The following PRMT5 variants were observed in gnomAD, a reference collection of about 807,000 sequenced individuals.
PRMT5 encodes the protein protein arginine methyltransferase 5.
In PRMT5, 15 loss-of-function variants were observed where a neutral mutation model predicts 84.0. The observed-to-expected ratio is 0.18, with a 90% CI of 0.12 to 0.28. The LOEUF is 0.28. Among genes scored for constraint, PRMT5 ranks in the 10% least tolerant of loss-of-function variants. PRMT5 has a pLI of 1.00. For missense variants in PRMT5, 486 were observed against 808.0 expected (o/e 0.60, Z 4.83); for synonymous variants, 276 against 292.4 (o/e 0.94, Z 0.57).
At position 22,923,671 on chromosome 14, in the gene PRMT5, G is replaced by A. The variant is rs531225676; in HGVS notation, c.1375+337C>T. On this transcript the variant is annotated intron_variant, in intron 12 of 16. Coordinates refer to ENST00000324366, the MANE Select transcript of PRMT5 (RefSeq NM_006109.5). This position sits in a 1 kb window ranked among gnomAD's most constrained non-coding sequence, Gnocchi z 5.2. The stretch of plus-strand genomic sequence containing the variant: ...TGGGATTACAGGCGTGCACCGCCAC[G>A]CCTGGCTAATTTTTGTATTTTTAGT... Among the ~76,000 whole-genome samples, 5 of 151,898 alleles carry A rather than the reference G, an allele frequency of 3.3e-5. No homozygotes were observed. The highest frequency in any genetic ancestry group is 2.1e-4 in the South Asian group (1 of 4,808).
Position 22,927,603 on chromosome 14 carries a change from G to T in PRMT5, c.373C>A (p.Pro125Thr). ...TTGGTGTTATCTTCCTGATTAAGGG[G>T]CAGCAGGAAAGCTGGAAGACCCAAA... ...AYLGLPAFLLPLNQEDNTNLA... is the reference protein window; with the variant it reads ...AYLGLPAFLLTLNQEDNTNLA... The change falls in exon 4 of 17, where the codon CCC (proline) becomes ACC (threonine). Residue 125 changes from proline to threonine, a missense_variant. Pro to Thr is a conservative substitution (Grantham distance 38). Coordinates refer to ENST00000324366, the MANE Select transcript of PRMT5 (RefSeq NM_006109.5). The T allele has an allele frequency of 3.7e-6, 6 of 1,614,076 alleles. No individual in the cohort carries two copies. Among genetic ancestry groups the T allele is most frequent in the Non-Finnish European group, 5.1e-6 (6 of 1,179,988 alleles).
chr14:22,927,708 T>C (rs1427083403), intron 3 of PRMT5, 48 bp from the exon 4 acceptor site: 5 of 152,296 alleles, frequency 3.3e-5, no homozygotes, highest in Non-Finnish European at 4.7e-5. Context: ...AGCAAACAGC[T>C]TTTTTTTTTT....
At chr14:22,925,151 C>CTTTT in intron 7 of PRMT5, 111 bp from the exon 8 acceptor site, 3 of 867,848 alleles carry the variant, frequency 3.5e-6, no homozygotes, top group Non-Finnish European at 1.6e-6. Context: ...CAACAGTTCT[C>CTTTT]TTTTTTTTTT....
At chr14:22,926,664 T>C (rs1261115557) in intron 5 of PRMT5, 38 bp downstream of exon 5, 1 of 1,603,326 alleles carries the variant, frequency 6.2e-7, no homozygotes, top group African/African-American at 1.3e-5. Flanking sequence ...CCTCACCCTA[T>C]CCCTTGCACC....
At position 22,923,233 on chromosome 14, in the gene PRMT5, AG is replaced by A; in HGVS notation, c.1376-74del. On this transcript the variant is annotated intron_variant, in intron 12 of 16. Coordinates refer to ENST00000324366, the MANE Select transcript of PRMT5 (RefSeq NM_006109.5). The surrounding 1 kb of genome is among the most constrained non-coding windows in gnomAD (Gnocchi z 5.2). ...TGTCTGTACTAACTGAAGGATCAGAAGGATCAAACCTCCCATGTCAAAACCA... is the reference window on the plus strand; with the variant it reads ...TGTCTGTACTAACTGAAGGATCAGAAGATCAAACCTCCCATGTCAAAACCA... 1 of 1,203,106 alleles carries A rather than the reference AG, an allele frequency of 8.3e-7. No individual in the cohort carries two copies. Among genetic ancestry groups the A allele is most frequent in the Non-Finnish European group, 1.2e-6 (1 of 860,954 alleles). 74.5% of individuals were successfully genotyped at this position (1,203,106 alleles called of 1,614,324 possible). A position where few individuals can be genotyped will look rare whatever the true frequency, so the allele number is the denominator to read the frequency against.
In PRMT5 at chr14:22,924,548, G is replaced by A. The variant is rs1448535859; in HGVS notation, c.1018-11C>T. ...ACATTTATAGATGGCCTGGAGGGAGGAGAGAATATCCCATGGTTGTAATCC... is the reference window on the plus strand; with the variant it reads ...ACATTTATAGATGGCCTGGAGGGAGAAGAGAATATCCCATGGTTGTAATCC... On this transcript the variant is annotated splice_polypyrimidine_tract_variant and intron_variant, in intron 9 of 16. Transcript: ENST00000324366. The surrounding 1 kb of genome is among the most constrained non-coding windows in gnomAD (Gnocchi z 6.5). 4.3e-6 allele frequency: 7 copies of A among 1,613,858 alleles called. No individual in the cohort carries two copies. The highest frequency in any genetic ancestry group is 3.3e-4 in the Middle Eastern group (2 of 6,062).
intron 15 of PRMT5, 82 bp downstream of exon 15, chr14:22,922,361 T>C: frequency 1.4e-6 from 2 of 1,421,096 alleles, no homozygotes; most frequent in Non-Finnish European, 2.0e-6. Context: ...GGGCCCCCCA[T>C]AAATCTAAAT....
At chr14:22,926,441 T>C (rs2044420799) in intron 6 of PRMT5, 65 bp downstream of exon 6, 5 of 1,598,244 alleles carry the variant, frequency 3.1e-6, no homozygotes, top group Non-Finnish European at 4.3e-6. Flanking sequence ...ATATATGAAA[T>C]TCCTGATTCT....
rs756675753 is a variant in PRMT5 at position 22,924,218 on chromosome 14, A to G, written c.1200-35T>C. 6.2e-7 allele frequency: 1 copy of G among 1,611,826 alleles called. No homozygotes were observed. Among genetic ancestry groups the G allele is most frequent in the East Asian group, 2.2e-5 (1 of 44,842 alleles). ...AGACAATAAGGTAAGGAGAGATGTT[A>G]AGGAAATTTGGCAATGAGGACTAAC... is the stretch of plus-strand genomic sequence containing the variant. On this transcript the variant is annotated intron_variant, in intron 11 of 16. Coordinates refer to ENST00000324366, the MANE Select transcript of PRMT5 (RefSeq NM_006109.5). The surrounding 1 kb of genome is among the most constrained non-coding windows in gnomAD (Gnocchi z 6.5).
intron 6 of PRMT5, 22 bp downstream of exon 6, chr14:22,926,484 C>G (rs1160542600): frequency 6.2e-7 from 1 of 1,613,758 alleles, no homozygotes. Flanking sequence ...CCACACCCAT[C>G]CCAGGATTCT....
intron 5 of PRMT5, 50 bp downstream of exon 5, chr14:22,926,652 C>G: frequency 1.9e-6 from 3 of 1,596,836 alleles, no homozygotes; most frequent in Non-Finnish European, 2.6e-6. Flanking sequence ...CCCTGTACTT[C>G]CCCTCACCCT....
intron 3 of PRMT5, 28 bp from the exon 4 acceptor site, chr14:22,927,688 T>C (rs1439193268): frequency 6.3e-7 from 1 of 1,595,862 alleles, no homozygotes; most frequent in South Asian, 1.1e-5. Context: ...AGGAAAAGTT[T>C]GAGCTAACAA....
chr14:22,922,291 T>G, intron 15 of PRMT5, 51 bp from the exon 16 acceptor site: 1 of 1,514,682 alleles, frequency 6.6e-7, no homozygotes, highest in Non-Finnish European at 9.2e-7. Flanking sequence ...CTGTGACTTT[T>G]GCCTATGCTG....
chr14:22,928,366 G>A lies in PRMT5; in HGVS notation c.229+131C>T. On this transcript the variant is annotated intron_variant, in intron 2 of 16. Coordinates refer to ENST00000324366, the MANE Select transcript of PRMT5 (RefSeq NM_006109.5). This position sits in a 1 kb window ranked among gnomAD's most constrained non-coding sequence, Gnocchi z 4.8. ...CTGATGCAGAATAGAGAAGCAAGGA[G>A]AAAACAAGTTATCTATATCCCAGGG... is the stretch of plus-strand genomic sequence containing the variant. 3 of 1,148,542 alleles carry A rather than the reference G, an allele frequency of 2.6e-6. No individual in the cohort carries two copies. Among genetic ancestry groups the A allele is most frequent in the East Asian group, 2.4e-5 (1 of 42,388 alleles). The allele number at this position is 1,148,542 out of a possible 1,614,324, so 71.1% of individuals were successfully genotyped here. A position where few individuals can be genotyped will look rare whatever the true frequency, so the allele number is the denominator to read the frequency against.
At chr14:22,925,243 ACCTCCCAGGTTCAAGCAATTCTCCTG>A (rs965680979) in intron 7 of PRMT5, among the ~76,000 whole-genome samples, 5 of 148,676 alleles carry the variant, frequency 3.4e-5, no homozygotes, top group African/African-American at 1.2e-4. Context: ...TGCAACCTCC[ACCTCCCAGGTTCAAGCAATTCTCCTG>A]CCTCAGCCTC....
At chr14:22,926,080 A>G (rs1394025651) in intron 7 of PRMT5, 53 bp downstream of exon 7, 2 of 1,511,238 alleles carry the variant, frequency 1.3e-6, no homozygotes, top group Non-Finnish European at 1.8e-6. Flanking sequence ...ATACACAGGT[A>G]AATAAGGCAA....
rs764353234 is a variant in PRMT5, at chr14:22,924,316, G to A, written c.1153C>T (p.Arg385Trp). ...TTCTCCACAGCATACAGCTTTATCC[G>A]CCGGTCGGCCTGCTTGGCTGCCCGC... The part of the protein sequence containing the change: ...SLRAAKQADR[R>W]IKLYAVEKNP... Residue 385 changes from arginine (R) to tryptophan (W), a missense_variant, in exon 11 of 17, where the codon CGG becomes TGG. Coordinates refer to ENST00000324366, the MANE Select transcript of PRMT5 (RefSeq NM_006109.5). This position sits in a 1 kb window ranked among gnomAD's most constrained non-coding sequence, Gnocchi z 6.5. 29 of 1,614,002 alleles carry A rather than the reference G, an allele frequency of 1.8e-5. No individual in the cohort carries two copies. Among genetic ancestry groups the A allele is most frequent in the Non-Finnish European group, 2.2e-5 (26 of 1,180,034 alleles).
Position 22,927,643 on chromosome 14 carries a change from C to T in PRMT5, c.333G>A (p.Leu111=). 6.2e-7 allele frequency: 1 copy of T among 1,613,222 alleles called. No individual in the cohort carries two copies. Among genetic ancestry groups the T allele is most frequent in the Non-Finnish European group, 8.5e-7 (1 of 1,179,782 alleles). ...RNSEAAMLQE[L]NFGAYLGLPA... ...GAAGACCCAAATATGCACCAAAATT[C>T]AGCTCCTGTAACATGGCCTGGAACG... The change falls in exon 4 of 17, where the codon CTG becomes CTA. Residue 111 remains leucine, a synonymous_variant. Coordinates refer to ENST00000324366, the MANE Select transcript of PRMT5 (RefSeq NM_006109.5).
In PRMT5 at chr14:22,925,047, G is replaced by A. The variant is rs1028364050; in HGVS notation, c.778-7C>T. The A allele has an allele frequency of 3.1e-6, 5 of 1,613,064 alleles. No homozygotes were observed. The African/African-American group carries it at 4.0e-5, about 13-fold the overall frequency. ...TGATGAACTGCACCTCCAACTGTGA[G>A]AAAAGTCAGACCATCAGACACAGCC... is the stretch of plus-strand genomic sequence containing the variant. On this transcript the variant is annotated splice_polypyrimidine_tract_variant and splice_region_variant and intron_variant, in intron 7 of 16. Transcript: ENST00000324366.
Sources: gnomAD v4.1 joint callset for allele counts (sites outside exome capture counted in the v4.1 genomes callset) on GRCh38, gnomAD v4.1.1 for gene constraint, Gnocchi (gnomAD v3.1) non-coding constraint, MANE v1.5 for transcripts, NCBI Gene and HGNC (gene_info 2026-07-23, HGNC 2026-07-21) for gene names.